The following ZNF407 variants were observed in gnomAD, a reference collection of about 807,000 sequenced individuals.
ZNF407 encodes zinc finger protein 407.
Under a neutral mutation model 131.2 loss-of-function variants are expected in ZNF407, and 17 were observed. That is an observed-to-expected ratio of 0.13 (90% confidence interval 0.09 to 0.19). ZNF407 has a LOEUF of 0.19. ZNF407 is among the 10% of genes least tolerant of loss of function. The probability of loss-of-function intolerance (pLI) is 1.00; values close to 1 mark genes in which losing one functional copy is unlikely to be tolerated. For missense variants in ZNF407, 2,681 were observed against 2,830.6 expected, an observed-to-expected ratio of 0.95 and a Z score of 1.20; for synonymous variants, 1,156 against 1,062.0, an observed-to-expected ratio of 1.09 and a Z score of -1.72.
chr18:75,007,882 C>T (rs748750928), intron 8 of ZNF407, among the ~76,000 whole-genome samples: 17 of 152,218 alleles, frequency 1.1e-4, no homozygotes, highest in Non-Finnish European at 2.1e-4. Flanking sequence ...GCCCATCACT[C>T]ACTCAGGTCC....
chr18:75,045,796 T>C (rs1374082249), intron 8 of ZNF407, among the ~76,000 whole-genome samples: 1 of 152,160 alleles, frequency 6.6e-6, no homozygotes, highest in African/African-American at 2.4e-5. Context: ...GCTGGTGGGC[T>C]TTGTTTTTGG....
chr18:74,994,445 G>A (rs1468186285), intron 8 of ZNF407, among the ~76,000 whole-genome samples: 1 of 152,240 alleles, frequency 6.6e-6, no homozygotes. Context: ...CAAATTTCCT[G>A]TGAGGAAATA....
rs754407981 is a variant in ZNF407, at chr18:74,633,833, A to G, written c.2814A>G (p.Ala938=). Residue 938 remains alanine, a synonymous_variant, in exon 2 of 9, where the codon GCA becomes GCG. Transcript: ENST00000299687. ...CTGGTAAAAAGAATGCTGGCTCAGC[A>G]GTGACCATGTCAGATGAACATGCTA... ...LEAGKKNAGS[A]VTMSDEHANK... 1.9e-6 allele frequency: 3 copies of G among 1,614,030 alleles called. No homozygotes were observed. In the Admixed American group the frequency reaches 5.0e-5, roughly 27 times the overall value.
At chr18:74,660,121 A>G (rs1204484761) in intron 3 of ZNF407, among the ~76,000 whole-genome samples, 8 of 152,160 alleles carry the variant, frequency 5.3e-5, no homozygotes, top group Non-Finnish European at 8.8e-5. Flanking sequence ...AAATCCAATA[A>G]ATATGTAGAG....
intron 8 of ZNF407, among the ~76,000 whole-genome samples, chr18:75,060,619 C>T (rs1394148991): frequency 6.7e-6 from 1 of 150,356 alleles, no homozygotes; most frequent in African/African-American, 2.4e-5. Context: ...CATTCTCCTG[C>T]CTCAGCCTCC....
Position 74,634,790 on chromosome 18 carries a change from G to A in ZNF407, c.3771G>A (p.Glu1257=), listed in dbSNP as rs768281999. 2.5e-6 allele frequency: 4 copies of A among 1,614,034 alleles called. No individual in the cohort carries two copies. The highest frequency in any genetic ancestry group is 3.4e-6 in the Non-Finnish European group (4 of 1,179,908). Residue 1257 remains glutamate, a synonymous_variant, in exon 2 of 9, where the codon GAG becomes GAA. Transcript: ENST00000299687. ...RHLCPVTLDG[E]RSAESPVLVV... is the part of the protein sequence containing the mutation. The stretch of plus-strand genomic sequence containing the variant: ...TGTGCCCTGTGACGCTCGATGGGGA[G>A]CGCTCGGCTGAAAGCCCTGTGCTCG...
intron 1 of ZNF407, among the ~76,000 whole-genome samples, chr18:74,604,291 C>T (rs1418393073): frequency 6.6e-6 from 1 of 152,138 alleles, no homozygotes; most frequent in East Asian, 1.9e-4. Context: ...GGTTTGCATC[C>T]GTGTGGCAAG....
At chr18:74,877,133 G>T in intron 4 of ZNF407, 64 bp from the exon 5 acceptor site, 1 of 1,497,684 alleles carries the variant, frequency 6.7e-7, no homozygotes, top group Non-Finnish European at 9.3e-7. Flanking sequence ...CACACGCGCT[G>T]CCTGGGGCCT....
rs543419176 is a variant in ZNF407, at chr18:75,013,640, G to A, written c.5429-49510G>A. ...AGGATTGCTATTGTGGTTTAAGGGA[G>A]CATAATTTATTCCATCAGAGTACAA... On this transcript the variant is annotated intron_variant, in intron 8 of 8. Transcript: ENST00000299687. Among the ~76,000 whole-genome samples, 145 of 152,194 alleles carry A rather than the reference G, an allele frequency of 9.5e-4. 2 individuals carry two copies. In the Middle Eastern group the frequency reaches 0.031, roughly 32 times the overall value.
chr18:74,920,179 A>T (rs1329637851), intron 7 of ZNF407, among the ~76,000 whole-genome samples: 1 of 152,198 alleles, frequency 6.6e-6, no homozygotes, highest in Non-Finnish European at 1.5e-5. Context: ...ACCACTCCTC[A>T]GTGGTAATAG....
intron 8 of ZNF407, among the ~76,000 whole-genome samples, chr18:74,942,003 T>C (rs1197582420): frequency 6.6e-6 from 1 of 152,210 alleles, no homozygotes; most frequent in African/African-American, 2.4e-5. Flanking sequence ...CAGATTTGGA[T>C]GCTCCATGTG....
At chr18:74,829,669 A>G (rs1970455607) in intron 4 of ZNF407, among the ~76,000 whole-genome samples, 1 of 152,216 alleles carries the variant, frequency 6.6e-6, no homozygotes, top group Non-Finnish European at 1.5e-5. Flanking sequence ...GAGTAGAGAC[A>G]AAAACACTCT....
intron 3 of ZNF407, among the ~76,000 whole-genome samples, chr18:74,676,201 TCA>T (rs1256132840): frequency 6.7e-6 from 1 of 149,762 alleles, no homozygotes; most frequent in Non-Finnish European, 1.5e-5. Flanking sequence ...AAACGATTCC[TCA>T]GCCTCAGCCT....
rs377258780 is a variant in ZNF407 at position 74,631,698 on chromosome 18, A to G, written c.679A>G (p.Ser227Gly). The G allele has an allele frequency of 3.1e-6, 5 of 1,613,940 alleles. No homozygotes were observed. In the African/African-American group the frequency reaches 6.7e-5, roughly 22 times the overall value. The change falls in exon 2 of 9, where the codon AGC becomes GGC. Residue 227 changes from serine to glycine, a missense_variant. This residue lies in a region of ZNF407 where 1,789 missense variants were observed against 1,748.7 expected (regional missense o/e 1.02). Transcript: ENST00000299687. ...TCACTGCAGCCACAAAGCAGAGAGC[A>G]GCTCAGCACTACATATGCATATCAA... Reference protein sequence around the residue: ...CCHCSHKAESSSALHMHIKQA... With the variant: ...CCHCSHKAESGSALHMHIKQA...
chr18:74,804,139 C>T, intron 4 of ZNF407: 34 of 1,137,464 alleles, frequency 3.0e-5, no homozygotes, highest in South Asian at 7.1e-5. Context: ...ATTTCATTGT[C>T]TTTTTTTTTT....
At chr18:74,884,670 A>C (rs1294690358) in intron 6 of ZNF407, among the ~76,000 whole-genome samples, 1 of 152,208 alleles carries the variant, frequency 6.6e-6, no homozygotes, top group Non-Finnish European at 1.5e-5. Context: ...GTTAATATGA[A>C]CTATAGAGAA....
intron 8 of ZNF407, among the ~76,000 whole-genome samples, chr18:75,032,741 A>T (rs949823924): frequency 1.3e-5 from 2 of 148,260 alleles, no homozygotes; most frequent in Non-Finnish European, 1.5e-5. Flanking sequence ...TGGGGGGAAG[A>T]TAGCATTAGA....
intron 4 of ZNF407, among the ~76,000 whole-genome samples, chr18:74,844,903 A>G (rs1970681949): frequency 1.3e-5 from 2 of 152,206 alleles, no homozygotes; most frequent in African/African-American, 4.8e-5. Flanking sequence ...AAATCAGCCT[A>G]AGAAGAGACT....
At chr18:75,057,343 C>T (rs1973573024) in intron 8 of ZNF407, among the ~76,000 whole-genome samples, 1 of 152,210 alleles carries the variant, frequency 6.6e-6, no homozygotes, top group Admixed American at 6.5e-5. Context: ...TCTTTATCTG[C>T]TACGTGATGC....
Sources: gnomAD v4.1 joint callset for allele counts (sites outside exome capture counted in the v4.1 genomes callset) on GRCh38, gnomAD v4.1.1 for gene constraint, gnomAD v4.1.1 regional missense constraint, MANE v1.5 for transcripts, NCBI Gene and HGNC (gene_info 2026-07-23, HGNC 2026-07-21) for gene names.